Variants in HPD observed in about 807,000 individuals in gnomAD.
HPD encodes the protein 4-hydroxyphenylpyruvate dioxygenase.
A neutral mutation model predicts 56.9 loss-of-function variants in HPD; 35 were observed. The observed-to-expected ratio is 0.62, with a 90% CI of 0.47 to 0.82. The LOEUF (loss-of-function observed/expected upper bound fraction) is 0.82. Among genes scored for constraint, HPD ranks in the 40% least tolerant of loss-of-function variants. The probability of loss-of-function intolerance (pLI) is 0.00; values close to 1 mark genes in which losing one functional copy is unlikely to be tolerated. For synonymous variants in HPD, 186 were observed against 200.2 expected (o/e 0.93, Z 0.60); for missense variants, 442 against 506.8 (o/e 0.87, Z 1.23).
chr12:121,862,768 C>T (rs1317362417), upstream of HPD, among the ~76,000 whole-genome samples: 1 of 146,322 alleles, frequency 6.8e-6, no homozygotes, highest in African/African-American at 2.5e-5. Context: ...GCAAGCTCCA[C>T]CTCCAAGGTT....
At chr12:121,856,516 C>A (rs1280976726) in intron 5 of HPD, 67 bp downstream of exon 5, 5 of 1,596,744 alleles carry the variant, frequency 3.1e-6, no homozygotes, top group South Asian at 1.1e-5. Context: ...CGGAGCCATG[C>A]GTCCACCCTC....
intron 11 of HPD, 73 bp downstream of exon 11, chr12:121,846,789 C>A: frequency 7.0e-7 from 1 of 1,428,580 alleles, no homozygotes; most frequent in Non-Finnish European, 9.8e-7. Flanking sequence ...CCGCCACCCG[C>A]CCTCTCAATT....
chr12:121,859,795 C>T (rs939361850), upstream of HPD, among the ~76,000 whole-genome samples: 2 of 152,232 alleles, frequency 1.3e-5, no homozygotes, highest in Non-Finnish European at 2.9e-5. Context: ...GTGGTCCCAC[C>T]CCCTTATTCT....
chr12:121,877,057 GTACTCTAGCCTGGGTGACACAGCAAGAC>G, the HPD span, among the ~76,000 whole-genome samples: 1 of 144,196 alleles, frequency 6.9e-6, no homozygotes, highest in Non-Finnish European at 1.5e-5. Context: ...TTGCGTCACT[GTACTCTAGCCTGGGTGACACAGCAAGAC>G]TCCATCTCCA....
At chr12:121,841,860 T>G (rs75059996) in intron 12 of HPD, among the ~76,000 whole-genome samples, 1,927 of 152,068 alleles carry the variant, frequency 0.013, 33 homozygotes, top group Middle Eastern at 0.031. Flanking sequence ...AATTTTTGTA[T>G]TTTTAGTAGA....
upstream of HPD, among the ~76,000 whole-genome samples, chr12:121,864,714 A>G (rs2309273): frequency 0.67 from 102,168 of 151,466 alleles, 36,147 homozygotes; most frequent in African/African-American, 0.91. Context: ...TTAGCCAGGC[A>G]TGGTGGCAGG....
At chr12:121,844,335 G>A (rs1051808176) in intron 11 of HPD, among the ~76,000 whole-genome samples, 2 of 152,038 alleles carry the variant, frequency 1.3e-5, no homozygotes, top group African/African-American at 2.4e-5. Context: ...GTGAGCCACT[G>A]AGCCCGGCCT....
chr12:121,851,212 C>T (rs2137621641), intron 7 of HPD, among the ~76,000 whole-genome samples: 1 of 152,092 alleles, frequency 6.6e-6, no homozygotes, highest in East Asian at 1.9e-4. Context: ...TGGGGTTTTA[C>T]CATTTTGGCC....
chr12:121,881,733 G>A, the HPD span, among the ~76,000 whole-genome samples: 1 of 150,926 alleles, frequency 6.6e-6, no homozygotes, highest in Non-Finnish European at 1.5e-5. Context: ...TGCAAACTCC[G>A]CCTCCCGGGT....
chr12:121,850,785 G>A (rs1367512549), intron 7 of HPD, among the ~76,000 whole-genome samples: 2 of 137,552 alleles, frequency 1.5e-5, no homozygotes, highest in Non-Finnish European at 1.5e-5. Context: ...TGCAACCTCC[G>A]CCTCCCAGGT....
In HPD at chr12:121,846,921, A is replaced by G; in HGVS notation, c.772T>C (p.Tyr258His). 2 of 1,614,118 alleles carry G rather than the reference A, an allele frequency of 1.2e-6. No individual in the cohort carries two copies. The highest frequency in any genetic ancestry group is 1.7e-6 in the Non-Finnish European group (2 of 1,180,002). The change falls in exon 11 of 14, where the codon TAT (tyrosine) becomes CAT (histidine). Residue 258 changes from tyrosine (Y) to histidine (H), a missense_variant. Transcript: ENST00000289004. Reference protein sequence around the residue: ...KKSQIQEYVDYNGGAGVQHIA... With the variant: ...KKSQIQEYVDHNGGAGVQHIA... ...TGCTGGACCCCAGCGCCCCCGTTAT[A>G]GTCCACATATTCCTGGGGGAGGGAA...
chr12:121,844,094 A>G (rs916002440), intron 11 of HPD, among the ~76,000 whole-genome samples: 1 of 151,908 alleles, frequency 6.6e-6, no homozygotes, highest in African/African-American at 2.4e-5. Context: ...TCTGTTGCCC[A>G]GGCTGGAGTG....
At chr12:121,871,796 G>T in the HPD span, among the ~76,000 whole-genome samples, 1 of 152,122 alleles carries the variant, frequency 6.6e-6, no homozygotes, top group Non-Finnish European at 1.5e-5. Context: ...GCCACTCCTG[G>T]CATCCTCTGA....
chr12:121,856,436 G>C, intron 5 of HPD, 30 bp from the exon 6 acceptor site: 1 of 1,607,230 alleles, frequency 6.2e-7, no homozygotes, highest in Non-Finnish European at 8.5e-7. Flanking sequence ...GATGGCACTG[G>C]AGTCTGGAGT....
intron 12 of HPD, 136 bp from the exon 13 acceptor site, chr12:121,840,184 C>T (rs1566566870): frequency 2.8e-6 from 2 of 719,362 alleles, no homozygotes; most frequent in Non-Finnish European, 5.1e-6. Flanking sequence ...CAAATATATC[C>T]CCAAACTGTC....
At chr12:121,842,904 C>T (rs531474266) in intron 12 of HPD, among the ~76,000 whole-genome samples, 2 of 151,956 alleles carry the variant, frequency 1.3e-5, no homozygotes, top group Admixed American at 6.6e-5. Flanking sequence ...TGTGTCACCA[C>T]GCCTGGCTAA....
intron 4 of HPD, chr12:121,857,018 C>T (rs1028455537): frequency 1.6e-5 from 8 of 493,600 alleles, no homozygotes; most frequent in South Asian, 6.4e-5. Flanking sequence ...AAGATGCCAG[C>T]GGAGGGGTCG....
chr12:121,870,017 G>A, the HPD span, among the ~76,000 whole-genome samples: 1 of 151,478 alleles, frequency 6.6e-6, no homozygotes, highest in Non-Finnish European at 1.5e-5. Flanking sequence ...GGCTCAAGCA[G>A]TCCTTCTGCC....
chr12:121,886,343 C>G, the HPD span, among the ~76,000 whole-genome samples: 1 of 150,724 alleles, frequency 6.6e-6, no homozygotes, highest in African/African-American at 2.4e-5. Flanking sequence ...CTCCTAACCT[C>G]ATGATCCACC....
Sources: gnomAD v4.1 joint callset for allele counts (sites outside exome capture counted in the v4.1 genomes callset) on GRCh38, gnomAD v4.1.1 for gene constraint, MANE v1.5 for transcripts, NCBI Gene and HGNC (gene_info 2026-07-23, HGNC 2026-07-21) for gene names.